COBL: variants seen among roughly 807,000 people sequenced by gnomAD.
COBL encodes the protein protein cordon-bleu.
Under a neutral mutation model 98.8 loss-of-function variants are expected in COBL, and 51 were observed. The observed-to-expected ratio is 0.52, with a 90% CI of 0.41 to 0.65. The LOEUF is 0.65. Ranked by LOEUF, COBL falls within the 30% of genes least tolerant of loss-of-function variation. COBL has a pLI of 0.00. For missense variants in COBL, 1,617 were observed against 1,617.5 expected (o/e 1.00, Z 0.01); for synonymous variants, 634 against 651.7 (o/e 0.97, Z 0.41).
chr7:51,126,617 C>T lies in COBL; in HGVS notation c.957+9541G>A, dbSNP rs866015871. Among the ~76,000 whole-genome samples, 10 of 152,070 alleles carry T rather than the reference C, an allele frequency of 6.6e-5. 1 individual carries two copies. The highest frequency in any genetic ancestry group is 2.4e-4 in the African/African-American group (10 of 41,390). On this transcript the variant is annotated intron_variant, in intron 6 of 12. Coordinates refer to ENST00000265136, the MANE Select transcript of COBL (RefSeq NM_015198.5). ...TGGAGGAGCCTGGGTTGGACCTGGA[C>T]GTGGGACTCCTCTCATTCACAGTCC... is the stretch of plus-strand genomic sequence containing the variant.
In COBL at chr7:51,286,404, T is replaced by TA. The variant is rs200368671; in HGVS notation, c.41+30188dup. 0.012 allele frequency among the ~76,000 whole-genome samples: 1,247 copies of TA among 100,082 alleles called. 67 individuals are homozygous for TA. In the South Asian group the frequency reaches 0.18, roughly 14 times the overall value. The allele number at this position is 100,082 out of a possible 152,430, so 65.7% of individuals were successfully genotyped here. On this transcript the variant is annotated intron_variant, in intron 1 of 12. Coordinates refer to ENST00000265136, the MANE Select transcript of COBL (RefSeq NM_015198.5). ...ATTATATAAAGAAACTTCAAGTAAC[T>TA]AAAAAAAAAAAAGCAAAAAAAAATC...
chr7:51,061,288 C>T (rs1791332953), intron 7 of COBL, among the ~76,000 whole-genome samples: 1 of 151,642 alleles, frequency 6.6e-6, no homozygotes, highest in African/African-American at 2.4e-5. Context: ...GTTTTCTTTC[C>T]CCTTATTCCC....
chr7:51,225,021 A>G (rs897893336), intron 1 of COBL, among the ~76,000 whole-genome samples: 2 of 151,912 alleles, frequency 1.3e-5, no homozygotes, highest in East Asian at 1.9e-4. Context: ...GTGTGTGTGG[A>G]TGGCCTGTGC....
chr7:51,194,370 T>C (rs146925568), intron 2 of COBL, among the ~76,000 whole-genome samples: 198 of 152,332 alleles, frequency 1.3e-3, no homozygotes, highest in African/African-American at 4.6e-3. Context: ...TTGATGGGTC[T>C]TTAGGTTGAT....
At chr7:51,273,330 A>G (rs1798956832) in intron 1 of COBL, among the ~76,000 whole-genome samples, 1 of 149,606 alleles carries the variant, frequency 6.7e-6, no homozygotes, top group African/African-American at 2.5e-5. Flanking sequence ...TCCATCTCAA[A>G]AAAAAAAAAA....
At chr7:51,306,067 T>C (rs1338817662) in intron 1 of COBL, among the ~76,000 whole-genome samples, 3 of 151,940 alleles carry the variant, frequency 2.0e-5, no homozygotes. Context: ...AACATTGTAC[T>C]TGATGAATGA....
intron 6 of COBL, among the ~76,000 whole-genome samples, chr7:51,135,076 C>T (rs1204937117): frequency 6.6e-6 from 1 of 152,116 alleles, no homozygotes; most frequent in Non-Finnish European, 1.5e-5. Context: ...AATTCTCCTG[C>T]CTCAGCCTTC....
chr7:51,292,851 C>G (rs1000705937), intron 1 of COBL, among the ~76,000 whole-genome samples: 1 of 152,270 alleles, frequency 6.6e-6, no homozygotes, highest in African/African-American at 2.4e-5. Flanking sequence ...GGGATGCCCA[C>G]GTATCCCAGG....
chr7:51,103,034 C>T (rs1178963820), intron 6 of COBL, among the ~76,000 whole-genome samples: 1 of 152,154 alleles, frequency 6.6e-6, no homozygotes, highest in Non-Finnish European at 1.5e-5. Flanking sequence ...ACACTTTGTT[C>T]AGAGGGAAGA....
At chr7:51,151,492 T>C (rs998898998) in intron 5 of COBL, among the ~76,000 whole-genome samples, 1 of 152,084 alleles carries the variant, frequency 6.6e-6, no homozygotes. Flanking sequence ...AAGTGACTGG[T>C]GTGGCTAAGA....
At chr7:51,176,932 A>G (rs1335958872) in intron 5 of COBL, among the ~76,000 whole-genome samples, 7 of 152,226 alleles carry the variant, frequency 4.6e-5, no homozygotes, top group African/African-American at 9.6e-5. Context: ...TTTCAAGTTC[A>G]TGTGACTTCA....
chr7:51,254,166 C>T (rs1796994714), intron 1 of COBL, among the ~76,000 whole-genome samples: 1 of 151,954 alleles, frequency 6.6e-6, no homozygotes, highest in African/African-American at 2.4e-5. Flanking sequence ...TTCCATGTCC[C>T]CTCTTCATTG....
chr7:51,315,387 G>T (rs1803445053), intron 1 of COBL, among the ~76,000 whole-genome samples: 1 of 152,154 alleles, frequency 6.6e-6, no homozygotes, highest in Admixed American at 6.5e-5. Context: ...TTTAAAAAGA[G>T]CCCGACTGAA....
At chr7:51,192,826 G>A (rs1178495001) in intron 3 of COBL, among the ~76,000 whole-genome samples, 3 of 151,960 alleles carry the variant, frequency 2.0e-5, no homozygotes, top group Non-Finnish European at 2.9e-5. Context: ...ACTGCTTCCT[G>A]AGTCAGGAAG....
At chr7:51,257,224 C>T (rs745628374) in intron 1 of COBL, among the ~76,000 whole-genome samples, 18 of 152,172 alleles carry the variant, frequency 1.2e-4, no homozygotes, top group Non-Finnish European at 2.1e-4. Flanking sequence ...TAGTGAATTA[C>T]GTCCCCAACA....
chr7:51,171,584 A>G (rs922211230), intron 5 of COBL, among the ~76,000 whole-genome samples: 1 of 152,192 alleles, frequency 6.6e-6, no homozygotes, highest in African/African-American at 2.4e-5. Context: ...ATGTCTTTTC[A>G]AGAAAAATTT....
At position 51,193,471 on chromosome 7, in the gene COBL, T is replaced by C. The variant is rs773008216; in HGVS notation, c.364A>G (p.Thr122Ala). The change falls in exon 3 of 13, where the codon ACT becomes GCT. Residue 122 changes from threonine (T) to alanine (A), a missense_variant. By Grantham distance (58) the Thr-to-Ala change is moderately conservative. Coordinates refer to ENST00000265136, the MANE Select transcript of COBL (RefSeq NM_015198.5). The part of the protein sequence containing the change: ...TQQPLSFKPN[T>A]LIGTLNVHTV... ...TGCACATTCAGGGTCCCAATCAAAG[T>C]ATTTGGCTTAAAACTCAAAGGTTGT... 3 of 1,614,208 alleles carry C rather than the reference T, an allele frequency of 1.9e-6. No homozygotes were observed. Among genetic ancestry groups the C allele is most frequent in the East Asian group, 4.5e-5 (2 of 44,888 alleles).
intron 1 of COBL, among the ~76,000 whole-genome samples, chr7:51,308,226 C>T (rs1001576200): frequency 3.3e-5 from 5 of 152,194 alleles, no homozygotes; most frequent in Non-Finnish European, 7.4e-5. Context: ...TATTTAGAGA[C>T]TAAAAAATTA....
At chr7:51,124,282 T>A (rs1167100227) in intron 6 of COBL, among the ~76,000 whole-genome samples, 1 of 152,206 alleles carries the variant, frequency 6.6e-6, no homozygotes, top group African/African-American at 2.4e-5. Flanking sequence ...TACTTCCACA[T>A]GCAATTTGTC....
Sources: allele counts gnomAD v4.1 joint callset (sites outside exome capture counted in the v4.1 genomes callset), GRCh38; gene constraint gnomAD v4.1.1; transcripts MANE v1.5; gene names NCBI Gene and HGNC (gene_info 2026-07-23, HGNC 2026-07-21).